Variants in GPHN observed in about 807,000 individuals in gnomAD.
GPHN encodes the protein gephyrin.
In GPHN, 17 loss-of-function variants were observed where a neutral mutation model predicts 95.5. The observed-to-expected ratio is 0.18, with a 90% CI of 0.12 to 0.27. The LOEUF is 0.27. Ranked by LOEUF, GPHN falls within the 10% of genes least tolerant of loss-of-function variation. The pLI is 1.00. For missense variants in GPHN, 660 were observed against 978.1 expected (o/e 0.67, Z 4.34); for synonymous variants, 320 against 322.5 (o/e 0.99, Z 0.08).
the GPHN span, among the ~76,000 whole-genome samples, chr14:67,635,170 A>T: frequency 6.6e-6 from 1 of 152,200 alleles, no homozygotes; most frequent in East Asian, 1.9e-4. Flanking sequence ...CTTGAGCCTG[A>T]GAGGTTGAGG....
At chr14:67,678,236 T>C in the GPHN span, 1 of 945,548 alleles carries the variant, frequency 1.1e-6, no homozygotes, top group Non-Finnish European at 1.7e-6. Flanking sequence ...CTAAAGGTTT[T>C]GAAAACCTTG....
the GPHN span, chr14:67,735,068 A>G: frequency 1.4e-6 from 1 of 701,542 alleles, no homozygotes; most frequent in African/African-American, 1.7e-5. Context: ...CCAACAGCAA[A>G]TGACACCAAA....
the GPHN span, among the ~76,000 whole-genome samples, chr14:67,504,380 T>C: frequency 6.6e-6 from 1 of 152,204 alleles, no homozygotes; most frequent in African/African-American, 2.4e-5. Flanking sequence ...AGAAAGCATG[T>C]TTACTGTACT....
the GPHN span, among the ~76,000 whole-genome samples, chr14:67,310,405 A>G: frequency 1.3e-5 from 2 of 152,180 alleles, no homozygotes; most frequent in Non-Finnish European, 2.9e-5. Flanking sequence ...TATACAGGGG[A>G]AAATAATCAG....
chr14:67,624,531 A>G, the GPHN span, among the ~76,000 whole-genome samples: 1 of 152,220 alleles, frequency 6.6e-6, no homozygotes, highest in Admixed American at 6.5e-5. Context: ...CTTATATGGC[A>G]GGAGCAGGAG....
chr14:67,289,086 C>T, the GPHN span, among the ~76,000 whole-genome samples: 1 of 151,410 alleles, frequency 6.6e-6, no homozygotes, highest in African/African-American at 2.4e-5. Context: ...CCTGCCTCAG[C>T]CTCCCAAGTA....
At chr14:67,173,190 C>A (rs1275882547) in intron 21 of GPHN, among the ~76,000 whole-genome samples, 1 of 152,290 alleles carries the variant, frequency 6.6e-6, no homozygotes, top group Non-Finnish European at 1.5e-5. Flanking sequence ...GTTCACAAGA[C>A]CCTTAGCCTA....
At chr14:67,564,335 A>G in the GPHN span, among the ~76,000 whole-genome samples, 134,007 of 152,186 alleles carry the variant, frequency 0.88, 59,549 homozygotes, top group Non-Finnish European at 0.95. Context: ...ATGTCTTGAT[A>G]TCTGTCTGGT....
At chr14:67,383,793 A>G in the GPHN span, 2 of 295,536 alleles carry the variant, frequency 6.8e-6, no homozygotes, top group Non-Finnish European at 1.3e-5. Flanking sequence ...CATCCAAGGC[A>G]AACAATCCCA....
At chr14:67,624,148 G>A in the GPHN span, among the ~76,000 whole-genome samples, 3 of 152,176 alleles carry the variant, frequency 2.0e-5, no homozygotes, top group South Asian at 6.2e-4. Context: ...CTCGATTTTG[G>A]TTAGCTCTGA....
intron 2 of GPHN, among the ~76,000 whole-genome samples, chr14:66,767,274 A>T (rs1335613155): frequency 1.3e-5 from 2 of 151,946 alleles, no homozygotes; most frequent in Non-Finnish European, 2.9e-5. Flanking sequence ...CTAAGGAAGG[A>T]CAATGGGCTG....
the GPHN span, among the ~76,000 whole-genome samples, chr14:67,205,665 T>C: frequency 5.9e-5 from 9 of 152,268 alleles, no homozygotes; most frequent in African/African-American, 2.2e-4. Flanking sequence ...TAGAGAATAA[T>C]ATATGTGGAG....
intron 6 of GPHN, among the ~76,000 whole-genome samples, chr14:66,919,651 C>G (rs1303917148): frequency 6.6e-6 from 1 of 152,172 alleles, no homozygotes; most frequent in African/African-American, 2.4e-5. Context: ...AAGTTTCTTG[C>G]ATCTGTGTAA....
At chr14:67,312,826 T>G in the GPHN span, 1 of 864,688 alleles carries the variant, frequency 1.2e-6, no homozygotes, top group Non-Finnish European at 1.6e-6. Flanking sequence ...TCCAGTTACT[T>G]TTTCGTGTAG....
chr14:67,535,064 C>T, the GPHN span, among the ~76,000 whole-genome samples: 93,966 of 152,016 alleles, frequency 0.62, 29,385 homozygotes, highest in Non-Finnish European at 0.66. Flanking sequence ...CAGATATATA[C>T]TTTGATGTAG....
chr14:67,622,707 A>G, the GPHN span, among the ~76,000 whole-genome samples: 15 of 152,322 alleles, frequency 9.8e-5, no homozygotes, highest in African/African-American at 3.1e-4. Context: ...ATCTCTGGTT[A>G]TCACTGTTTT....
At chr14:67,412,539 A>G in the GPHN span, among the ~76,000 whole-genome samples, 3 of 152,200 alleles carry the variant, frequency 2.0e-5, no homozygotes, top group East Asian at 5.8e-4. Context: ...TGGGAATTTT[A>G]TCCTGGCCTC....
the GPHN span, chr14:67,336,669 T>C: frequency 4.4e-6 from 2 of 455,166 alleles, no homozygotes; most frequent in African/African-American, 2.0e-5. Context: ...CCAGCTGTGC[T>C]CTTTGACTTG....
At chr14:66,640,958 T>C (rs1296779842) in intron 1 of GPHN, among the ~76,000 whole-genome samples, 1 of 152,170 alleles carries the variant, frequency 6.6e-6, no homozygotes, top group African/African-American at 2.4e-5. Context: ...ATCACTAAGC[T>C]TGTCAGGCTG....
Sources: allele counts gnomAD v4.1 joint callset (sites outside exome capture counted in the v4.1 genomes callset), GRCh38; gene constraint gnomAD v4.1.1; transcripts MANE v1.5; gene names NCBI Gene and HGNC (gene_info 2026-07-23, HGNC 2026-07-21).